CPPED1: variants seen among roughly 807,000 people sequenced by gnomAD.
The protein encoded by CPPED1 is serine/threonine-protein phosphatase CPPED1.
Under a neutral mutation model 28.0 loss-of-function variants are expected in CPPED1, and 28 were observed. That is an observed-to-expected ratio of 1.00 (90% CI 0.74 to 1.37). The LOEUF is 1.37. CPPED1 is among the 40% of genes most tolerant of loss of function. CPPED1 has a pLI of 0.00. For missense variants in CPPED1, 504 were observed against 416.5 expected (o/e 1.21, Z -1.83); for synonymous variants, 198 against 180.2 (o/e 1.10, Z -0.79).
Position 12,709,328 on chromosome 16 carries a change from C to G in CPPED1, c.290-4279G>C, listed in dbSNP as rs1286975371. Among the ~76,000 whole-genome samples, 1 of 152,082 alleles carries G rather than the reference C, an allele frequency of 6.6e-6. No individual in the cohort carries two copies. Among genetic ancestry groups the G allele is most frequent in the Non-Finnish European group, 1.5e-5 (1 of 68,018 alleles). ...GGGCAGAGAAGGATTGTTCTGGGGT[C>G]TCCAAGGTGGATAAGAGGTATCTGC... On this transcript the variant is annotated intron_variant, in intron 2 of 3. Coordinates refer to ENST00000381774, the MANE Select transcript of CPPED1 (RefSeq NM_018340.3). This position sits in a 1 kb window ranked among gnomAD's most constrained non-coding sequence, Gnocchi z 4.4.
chr16:12,769,268 T>G (rs2080456655), intron 2 of CPPED1, among the ~76,000 whole-genome samples: 1 of 152,204 alleles, frequency 6.6e-6, no homozygotes, highest in Admixed American at 6.5e-5. Context: ...TCCAATAATT[T>G]AAAAAATATT....
intron 2 of CPPED1, among the ~76,000 whole-genome samples, chr16:12,769,750 G>A (rs766273982): frequency 3.3e-5 from 5 of 152,114 alleles, no homozygotes; most frequent in Non-Finnish European, 5.9e-5. Flanking sequence ...CGACCTGCTG[G>A]AAAATCTGAG....
intron 2 of CPPED1, among the ~76,000 whole-genome samples, chr16:12,731,979 A>T (rs2141205622): frequency 6.6e-6 from 1 of 152,102 alleles, no homozygotes; most frequent in South Asian, 2.1e-4. Flanking sequence ...CCTGGCCAAA[A>T]GGGCAAAACC....
intron 2 of CPPED1, among the ~76,000 whole-genome samples, chr16:12,726,515 G>T (rs543847656): frequency 6.5e-4 from 99 of 151,708 alleles, no homozygotes; most frequent in African/African-American, 2.3e-3. Flanking sequence ...GCTAATTTTT[G>T]AATTTTTAGT....
chr16:12,772,440 C>T (rs2080475367), intron 2 of CPPED1, among the ~76,000 whole-genome samples: 1 of 152,232 alleles, frequency 6.6e-6, no homozygotes, highest in Non-Finnish European at 1.5e-5. Flanking sequence ...AAATCCAGCC[C>T]TTCTTTACCT....
chr16:12,691,928 C>A lies in CPPED1; in HGVS notation c.715+12696G>T, dbSNP rs2079965703. Among the ~76,000 whole-genome samples the A allele has an allele frequency of 2.6e-5, 4 of 150,944 alleles. No homozygotes were observed. In the South Asian group the frequency reaches 8.4e-4, roughly 32 times the overall value. On this transcript the variant is annotated intron_variant, in intron 3 of 3. Coordinates refer to ENST00000381774, the MANE Select transcript of CPPED1 (RefSeq NM_018340.3). The stretch of plus-strand genomic sequence containing the variant: ...TGTATACGTATGTAACAAACCTGCA[C>A]ATTGTTCACATGTACCCTAAAACTT...
In CPPED1 at chr16:12,744,270, AAGAG is replaced by A. The variant is rs112990748; in HGVS notation, c.289+36911_289+36914del. On this transcript the variant is annotated intron_variant, in intron 2 of 3. Transcript: ENST00000381774. Reference sequence around the variant, plus strand: ...TGGGCGACAGAGCAAGACTCTGTGAAAGAGAGAGAGAGAGAGAGAGAGAGAGAAA... The same window carrying A: ...TGGGCGACAGAGCAAGACTCTGTGAAAGAGAGAGAGAGAGAGAGAGAGAAA... Among the ~76,000 whole-genome samples, 333 of 139,992 alleles carry A rather than the reference AAGAG, an allele frequency of 2.4e-3. 1 individual carries two copies. The highest frequency in any genetic ancestry group is 8.5e-3 in the African/African-American group (309 of 36,392). 91.8% of individuals were successfully genotyped at this position (139,992 alleles called of 152,430 possible). A position where few individuals can be genotyped will look rare whatever the true frequency, so the allele number is the denominator to read the frequency against.
intron 3 of CPPED1, 104 bp from the exon 4 acceptor site, chr16:12,665,219 T>C (rs1412313556): frequency 1.9e-5 from 17 of 910,198 alleles, no homozygotes; most frequent in Admixed American, 3.5e-5. Context: ...AAATATATTA[T>C]TATACCATCA....
At chr16:12,699,413 A>T (rs2080008440) in intron 3 of CPPED1, among the ~76,000 whole-genome samples, 1 of 151,976 alleles carries the variant, frequency 6.6e-6, no homozygotes, top group African/African-American at 2.4e-5. Flanking sequence ...GGAGGCTGGC[A>T]GGCTTCGATT....
At chr16:12,731,261 C>T (rs1254135754) in intron 2 of CPPED1, among the ~76,000 whole-genome samples, 3 of 151,148 alleles carry the variant, frequency 2.0e-5, no homozygotes, top group African/African-American at 7.3e-5. Flanking sequence ...TCATGCCATT[C>T]CCCTGCCTCA....
At chr16:12,731,223 G>A (rs1046235187) in intron 2 of CPPED1, among the ~76,000 whole-genome samples, 4 of 150,532 alleles carry the variant, frequency 2.7e-5, no homozygotes, top group East Asian at 2.0e-4. Context: ...GCGCGATCTC[G>A]GCTCACTGCA....
At chr16:12,704,545 G>C in intron 3 of CPPED1, 79 bp downstream of exon 3, 1 of 1,427,290 alleles carries the variant, frequency 7.0e-7, no homozygotes, top group South Asian at 1.3e-5. Flanking sequence ...ACACATTGCA[G>C]AGAGACGGGA....
chr16:12,783,020 T>C (rs2080541619), intron 1 of CPPED1, among the ~76,000 whole-genome samples: 1 of 152,180 alleles, frequency 6.6e-6, no homozygotes, highest in Non-Finnish European at 1.5e-5. Flanking sequence ...TTGAGTATCA[T>C]ACTGGGAGCC....
At chr16:12,803,579 G>A (rs2080673844) in intron 1 of CPPED1, 128 bp downstream of exon 1, 5 of 772,740 alleles carry the variant, frequency 6.5e-6, no homozygotes, top group African/African-American at 1.9e-5. Context: ...CAGCTATGGC[G>A]GCTCCCAGGC....
rs558643143 is a variant in CPPED1, at chr16:12,682,329, C to T, written c.716-17214G>A. Among the ~76,000 whole-genome samples, 9 of 152,302 alleles carry T rather than the reference C, an allele frequency of 5.9e-5. No homozygotes were observed. In the South Asian group the frequency reaches 1.9e-3, roughly 32 times the overall value. ...GAGATTACAGACACGAGCCACCGCG[C>T]CCAGCCCCTTTATTACTTTTCTACA... On this transcript the variant is annotated intron_variant, in intron 3 of 3. Coordinates refer to ENST00000381774, the MANE Select transcript of CPPED1 (RefSeq NM_018340.3). The surrounding 1 kb of genome is among the most constrained non-coding windows in gnomAD (Gnocchi z 6.1).
rs775007517 is a variant in CPPED1, at chr16:12,730,163, AT to A, written c.290-25115del. On this transcript the variant is annotated intron_variant, in intron 2 of 3. Coordinates refer to ENST00000381774, the MANE Select transcript of CPPED1 (RefSeq NM_018340.3). ...ACGTGTGAGCCACCACGGCCAGCTA[AT>A]TTTTTTTAAAATTTTTTTGGAGAGA... is the stretch of plus-strand genomic sequence containing the variant. Among the ~76,000 whole-genome samples, 7 of 151,964 alleles carry A rather than the reference AT, an allele frequency of 4.6e-5. No individual in the cohort carries two copies. In the East Asian group the frequency reaches 9.7e-4, roughly 21 times the overall value.
chr16:12,763,457 G>C (rs146804533), intron 2 of CPPED1, among the ~76,000 whole-genome samples: 1 of 152,300 alleles, frequency 6.6e-6, no homozygotes, highest in African/African-American at 2.4e-5. Flanking sequence ...AAATGGATGA[G>C]TGGCATGGTA....
chr16:12,671,051 A>G (rs1045094305), intron 3 of CPPED1, among the ~76,000 whole-genome samples: 2 of 151,980 alleles, frequency 1.3e-5, no homozygotes, highest in Non-Finnish European at 2.9e-5. Flanking sequence ...GGGTTTCACC[A>G]TGTTGGCCAG....
chr16:12,692,859 G>T (rs961155294), intron 3 of CPPED1, among the ~76,000 whole-genome samples: 1 of 152,178 alleles, frequency 6.6e-6, no homozygotes, highest in East Asian at 1.9e-4. Context: ...GCCCCACCTG[G>T]CAGGGCGGCC....
Sources: gnomAD v4.1 joint callset for allele counts (sites outside exome capture counted in the v4.1 genomes callset) on GRCh38, gnomAD v4.1.1 for gene constraint, Gnocchi (gnomAD v3.1) non-coding constraint, MANE v1.5 for transcripts, NCBI Gene and HGNC (gene_info 2026-07-23, HGNC 2026-07-21) for gene names.